PPP2R1B: variants seen among roughly 807,000 people sequenced by gnomAD.
PPP2R1B encodes the protein serine/threonine-protein phosphatase 2A 65 kDa regulatory subunit A beta isoform.
Under a neutral mutation model 72.7 loss-of-function variants are expected in PPP2R1B, and 58 were observed. The observed-to-expected ratio is 0.80, with a 90% CI of 0.65 to 0.99. The LOEUF (loss-of-function observed/expected upper bound fraction) is 0.99, where lower values mean the gene tolerates loss of function less well. Ranked by LOEUF, PPP2R1B falls within the 50% of genes least tolerant of loss-of-function variation. The pLI is 0.00. For missense variants in PPP2R1B, 695 were observed against 733.6 expected (o/e 0.95, Z 0.61); for synonymous variants, 256 against 264.6 (o/e 0.97, Z 0.32).
the PPP2R1B span, among the ~76,000 whole-genome samples, chr11:111,713,537 T>C: frequency 6.6e-6 from 1 of 152,218 alleles, no homozygotes; most frequent in Non-Finnish European, 1.5e-5. Flanking sequence ...AATAATGGTT[T>C]CCTGTCTTTT....
the PPP2R1B span, among the ~76,000 whole-genome samples, chr11:111,697,399 TC>T: frequency 6.6e-6 from 1 of 152,162 alleles, no homozygotes; most frequent in Non-Finnish European, 1.5e-5. Context: ...CATTCCCTGC[TC>T]CCGAGGAACT....
chr11:111,704,970 C>T, the PPP2R1B span: 1 of 1,591,884 alleles, frequency 6.3e-7, no homozygotes, highest in African/African-American at 1.4e-5. Context: ...GCCTTTACCA[C>T]TTGTTTTTTA....
At position 111,748,024 on chromosome 11, in the gene PPP2R1B, CA is replaced by C; in HGVS notation, c.1339-11del. 1 of 1,610,032 alleles carries C rather than the reference CA, an allele frequency of 6.2e-7. No homozygotes were observed. The highest frequency in any genetic ancestry group is 8.5e-7 in the Non-Finnish European group (1 of 1,178,008). On this transcript the variant is annotated splice_polypyrimidine_tract_variant and intron_variant, in intron 10 of 14. Transcript: ENST00000527614. ...CAAAGAATTCCACACCCTACAGATA[CA>C]GAAGATTCCATTAACATACATTGCC...
At chr11:111,748,371 G>A (rs779997253) in intron 10 of PPP2R1B, among the ~76,000 whole-genome samples, 128 of 152,344 alleles carry the variant, frequency 8.4e-4, no homozygotes, top group Middle Eastern at 3.4e-3. Context: ...ACACCTGTCA[G>A]TAATATTACT....
At chr11:111,720,715 T>A in the PPP2R1B span, 1 of 1,611,970 alleles carries the variant, frequency 6.2e-7, no homozygotes, top group East Asian at 2.2e-5. Flanking sequence ...AGGTCTCCAG[T>A]GAGCTTCAGA....
In PPP2R1B at chr11:111,749,564, C is replaced by T. The variant is rs549667434; in HGVS notation, c.1339-1550G>A. 5.9e-5 allele frequency among the ~76,000 whole-genome samples: 9 copies of T among 152,228 alleles called. No individual in the cohort carries two copies. In the East Asian group the frequency reaches 9.6e-4, roughly 16 times the overall value. On this transcript the variant is annotated intron_variant, in intron 10 of 14. Coordinates refer to ENST00000527614, the MANE Select transcript of PPP2R1B (RefSeq NM_002716.5). ...CCTCCCAAAGTGCTGGGATTACAAGCGTGAGCCACTACGCCTGGCCTATTT... is the reference window on the plus strand; with the variant it reads ...CCTCCCAAAGTGCTGGGATTACAAGTGTGAGCCACTACGCCTGGCCTATTT...
intron 9 of PPP2R1B, among the ~76,000 whole-genome samples, 187 bp from the exon 10 acceptor site, chr11:111,752,519 T>C (rs1276740182): frequency 6.6e-6 from 1 of 152,130 alleles, no homozygotes; most frequent in African/African-American, 2.4e-5. Flanking sequence ...GAAATTTCAA[T>C]TAAAAGTCCG....
At chr11:111,721,554 T>C in the PPP2R1B span, among the ~76,000 whole-genome samples, 2 of 152,254 alleles carry the variant, frequency 1.3e-5, no homozygotes, top group South Asian at 2.1e-4. Context: ...AAGAGGATTA[T>C]AGTTCGAGGC....
chr11:111,730,554 T>C (rs1335570789), intron 15 of PPP2R1B: 1 of 152,198 alleles, frequency 6.6e-6, no homozygotes, highest in Non-Finnish European at 1.5e-5. Context: ...GAGTTACTTT[T>C]GATAAAGTTA....
At chr11:111,730,127 C>A (rs1262467047) in intron 15 of PPP2R1B, 7 of 152,190 alleles carry the variant, frequency 4.6e-5, no homozygotes, top group African/African-American at 1.7e-4. Flanking sequence ...AAAGTAATAA[C>A]AGACTTTGAC....
chr11:111,697,567 A>G, the PPP2R1B span, among the ~76,000 whole-genome samples: 35 of 152,322 alleles, frequency 2.3e-4, no homozygotes, highest in East Asian at 4.2e-3. Flanking sequence ...CTATTTTTCA[A>G]ATGAGGAAAC....
rs1555049309 is a variant in PPP2R1B, at chr11:111,755,380, T to G, written c.758A>C (p.Glu253Ala). ...TCGAAGTGTAGGCATCACCAAAGTC[T>G]CAAGGTCATCCTGAGACAATAACTG... ...IAQLLSQDDL[E>A]TLVMPTLRQA... The change falls in exon 6 of 15, where the codon GAG (glutamate) becomes GCG (alanine). Residue 253 changes from glutamate (E) to alanine (A), a missense_variant. Glu to Ala is a moderately radical substitution (Grantham distance 107). Transcript: ENST00000527614. 2 of 1,613,918 alleles carry G rather than the reference T, an allele frequency of 1.2e-6. No individual in the cohort carries two copies. Among genetic ancestry groups the G allele is most frequent in the Admixed American group, 3.3e-5 (2 of 59,948 alleles).
chr11:111,747,488 C>T (rs1377728265), intron 11 of PPP2R1B, among the ~76,000 whole-genome samples: 1 of 152,182 alleles, frequency 6.6e-6, no homozygotes, highest in African/African-American at 2.4e-5. Context: ...CTAGTGTTTC[C>T]CACACCTAAG....
downstream of PPP2R1B, chr11:111,737,689 G>A (rs1944378943): frequency 2.0e-6 from 3 of 1,523,414 alleles, no homozygotes; most frequent in Non-Finnish European, 2.7e-6. Flanking sequence ...GTGTCCAGCA[G>A]CAGCCTACAA....
intron 3 of PPP2R1B, among the ~76,000 whole-genome samples, chr11:111,762,156 C>T (rs1222831346): frequency 1.3e-5 from 2 of 152,296 alleles, no homozygotes; most frequent in African/African-American, 2.4e-5. Flanking sequence ...AGATTCTACA[C>T]ATGCCATGAG....
At chr11:111,722,661 C>T (rs1420312034), downstream of PPP2R1B, 3 of 1,613,118 alleles carry the variant, frequency 1.9e-6, no homozygotes, top group South Asian at 1.1e-5. The surrounding 1 kb of genome is among the most constrained non-coding windows in gnomAD (Gnocchi z 4.4). Flanking sequence ...TTCTGCTCTT[C>T]CAGAAGCCCA....
intron 11 of PPP2R1B, among the ~76,000 whole-genome samples, chr11:111,745,560 A>C (rs747778443): frequency 6.6e-6 from 1 of 152,140 alleles, no homozygotes; most frequent in Admixed American, 6.5e-5. Context: ...ACCATTCCAG[A>C]GTTCTGCCTG....
In PPP2R1B at chr11:111,741,908, A is replaced by G. The variant is rs1021018765; in HGVS notation, c.1789+145T>C. On this transcript the variant is annotated intron_variant, in intron 14 of 14. Coordinates refer to ENST00000527614, the MANE Select transcript of PPP2R1B (RefSeq NM_002716.5). ...GGTGGGCCAAGAGGGTTCTAATCAGAGAGACACCAGCATTCCAGGAACTTA... is the reference window on the plus strand; with the variant it reads ...GGTGGGCCAAGAGGGTTCTAATCAGGGAGACACCAGCATTCCAGGAACTTA... 12 of 838,768 alleles carry G rather than the reference A, an allele frequency of 1.4e-5. No homozygotes were observed. In the African/African-American group the frequency reaches 2.0e-4, roughly 14 times the overall value. 52.0% of individuals were successfully genotyped at this position (838,768 alleles called of 1,614,324 possible). A position where few individuals can be genotyped will look rare whatever the true frequency, so the allele number is the denominator to read the frequency against.
chr11:111,699,622 G>T, the PPP2R1B span, among the ~76,000 whole-genome samples: 1 of 152,150 alleles, frequency 6.6e-6, no homozygotes, highest in Non-Finnish European at 1.5e-5. Flanking sequence ...TAATAATGGG[G>T]ATTGTTACTG....
Sources: gnomAD v4.1 joint callset for allele counts (sites outside exome capture counted in the v4.1 genomes callset) on GRCh38, gnomAD v4.1.1 for gene constraint, Gnocchi (gnomAD v3.1) non-coding constraint, MANE v1.5 for transcripts, NCBI Gene and HGNC (gene_info 2026-07-23, HGNC 2026-07-21) for gene names.